The following ZBBX variants were observed in gnomAD, a reference collection of about 807,000 sequenced individuals.
ZBBX encodes zinc finger B-box domain containing, also known as zinc finger B-box domain-containing protein 1.
A neutral mutation model predicts 108.5 loss-of-function variants in ZBBX; 101 were observed. That is an observed-to-expected ratio of 0.93 (90% CI 0.79 to 1.10). The LOEUF (loss-of-function observed/expected upper bound fraction) is 1.10, where lower values mean the gene tolerates loss of function less well. Ranked by LOEUF, ZBBX falls within the 50% of genes least tolerant of loss-of-function variation. ZBBX has a pLI of 0.00. For synonymous variants in ZBBX, 356 were observed against 323.4 expected (o/e 1.10, Z -1.08); for missense variants, 1,009 against 941.4 (o/e 1.07, Z -0.94).
At position 167,242,581 on chromosome 3, in the gene ZBBX, G is replaced by C. The variant is rs1205079100; in HGVS notation, c.2317C>G (p.Leu773Val). 1 of 1,613,728 alleles carries C rather than the reference G, an allele frequency of 6.2e-7. No individual in the cohort carries two copies. Among genetic ancestry groups the C allele is most frequent in the Admixed American group, 1.7e-5 (1 of 60,002 alleles). Residue 773 changes from leucine to valine, a missense_variant, in exon 21 of 22, where the codon CTG (leucine) becomes GTG (valine). Transcript: ENST00000675490. ...EEFPDFSSQS[L>V]NISQISTDFL... Reference sequence around the variant, plus strand: ...TCTGTGGAAATCTGACTTATATTCAGTGATTGGCTGCTGAAATCTGGGAAC... The same window carrying C: ...TCTGTGGAAATCTGACTTATATTCACTGATTGGCTGCTGAAATCTGGGAAC...
chr3:167,205,471 G>C, the ZBBX span, among the ~76,000 whole-genome samples: 1 of 152,172 alleles, frequency 6.6e-6, no homozygotes, highest in African/African-American at 2.4e-5. Context: ...GTGATCTCAA[G>C]TGATATCTGG....
chr3:167,314,023 TAAG>T lies in ZBBX; in HGVS notation c.1365_1367del (p.Phe455del). The T allele has an allele frequency of 3.7e-6, 6 of 1,606,594 alleles. No homozygotes were observed. The highest frequency in any genetic ancestry group is 5.1e-6 in the Non-Finnish European group (6 of 1,176,578). On this transcript the variant is annotated inframe_deletion, in exon 16 of 22. Transcript: ENST00000675490. Reference sequence around the variant, plus strand: ...TAGAGCTGTTTCTCAGACAAAGATTTAAGAAGTCTCTCTTTCCCTTATCGAAAA... The same window carrying T: ...TAGAGCTGTTTCTCAGACAAAGATTTAAGTCTCTCTTTCCCTTATCGAAAA...
chr3:167,300,697 C>T lies in ZBBX; in HGVS notation c.1726-2239G>A, dbSNP rs546223705. Reference sequence around the variant, plus strand: ...CGACCTCAGCTCACTATAACCTCCGCCTCCCGGGTTCAATCGATTCTCCTG... The same window carrying T: ...CGACCTCAGCTCACTATAACCTCCGTCTCCCGGGTTCAATCGATTCTCCTG... On this transcript the variant is annotated intron_variant, in intron 17 of 21. Coordinates refer to ENST00000675490, the MANE Select transcript of ZBBX (RefSeq NM_001199201.2). 1.2e-3 allele frequency among the ~76,000 whole-genome samples: 180 copies of T among 151,480 alleles called. 1 individual carries two copies. Among genetic ancestry groups the T allele is most frequent in the Non-Finnish European group, 1.8e-3 (123 of 67,892 alleles).
the ZBBX span, among the ~76,000 whole-genome samples, chr3:167,181,403 T>C: frequency 6.6e-6 from 1 of 152,198 alleles, no homozygotes; most frequent in African/African-American, 2.4e-5. Flanking sequence ...AAAATATAAC[T>C]ACTTTAATAT....
At chr3:167,332,510 C>T (rs990110928) in intron 10 of ZBBX, among the ~76,000 whole-genome samples, 8 of 152,050 alleles carry the variant, frequency 5.3e-5, no homozygotes, top group African/African-American at 1.9e-4. Flanking sequence ...TAATAAATAA[C>T]ACAGAGGAGC....
chr3:167,285,944 G>C (rs1455301359), intron 19 of ZBBX, among the ~76,000 whole-genome samples: 1 of 152,044 alleles, frequency 6.6e-6, no homozygotes, highest in Non-Finnish European at 1.5e-5. Flanking sequence ...TTCCAACCAA[G>C]GGTAAGAGAA....
chr3:167,354,705 TTAATA>T (rs1743233203), intron 8 of ZBBX, among the ~76,000 whole-genome samples: 1 of 151,968 alleles, frequency 6.6e-6, no homozygotes, highest in Non-Finnish European at 1.5e-5. Context: ...TAATTTTTAT[TTAATA>T]TAACTTGCTA....
chr3:167,372,980 T>C (rs1746377044), intron 3 of ZBBX, 30 bp from the exon 4 acceptor site: 2 of 1,089,226 alleles, frequency 1.8e-6, no homozygotes, highest in Non-Finnish European at 1.3e-6. Flanking sequence ...AAAAGAATTA[T>C]GGCAGAGGTG....
intron 8 of ZBBX, among the ~76,000 whole-genome samples, chr3:167,358,200 AT>A (rs1385028435): frequency 1.3e-5 from 2 of 152,006 alleles, no homozygotes; most frequent in Non-Finnish European, 2.9e-5. Flanking sequence ...AAATAAAAAA[AT>A]AATAAAAAAA....
chr3:167,225,535 C>A, the ZBBX span, among the ~76,000 whole-genome samples: 6 of 151,904 alleles, frequency 3.9e-5, no homozygotes, highest in Admixed American at 3.9e-4. Flanking sequence ...AGTGACTAAG[C>A]CTCATTATGT....
At position 167,317,528 on chromosome 3, in the gene ZBBX, A is replaced by C. The variant is rs767938121; in HGVS notation, c.1053T>G (p.Asp351Glu). 6.2e-7 allele frequency: 1 copy of C among 1,611,356 alleles called. No individual in the cohort carries two copies. The highest frequency in any genetic ancestry group is 1.7e-5 in the Admixed American group (1 of 59,604). Residue 351 changes from aspartate (D) to glutamate (E), a missense_variant, in exon 13 of 22, where the codon GAT becomes GAG. By Grantham distance (45) the Asp-to-Glu change is conservative. Transcript: ENST00000675490. Reference protein sequence around the residue: ...TFPHPHETTGDAQCSQNENDE... With the variant: ...TFPHPHETTGEAQCSQNENDE... ...CGTTTTCATTTTGAGAACACTGTGC[A>C]TCACCAGTGGTTTCATGTGGATGTG...
intron 20 of ZBBX, among the ~76,000 whole-genome samples, chr3:167,275,368 C>A (rs574411035): frequency 6.6e-6 from 1 of 152,250 alleles, no homozygotes; most frequent in South Asian, 2.1e-4. Context: ...TCTGAGGTAC[C>A]GGGTTCATCT....
intron 20 of ZBBX, among the ~76,000 whole-genome samples, chr3:167,255,937 C>T (rs558419253): frequency 6.6e-6 from 1 of 152,202 alleles, no homozygotes; most frequent in South Asian, 2.1e-4. Flanking sequence ...ACCATTCCCA[C>T]CACTCCACCC....
intron 20 of ZBBX, among the ~76,000 whole-genome samples, chr3:167,270,439 T>C (rs912739011): frequency 6.6e-6 from 1 of 152,064 alleles, no homozygotes; most frequent in Non-Finnish European, 1.5e-5. Flanking sequence ...GTCAACCAAA[T>C]TGAGGAATTA....
intron 15 of ZBBX, among the ~76,000 whole-genome samples, chr3:167,315,295 C>T (rs1038967257): frequency 2.0e-4 from 30 of 152,220 alleles, no homozygotes; most frequent in South Asian, 1.7e-3. Context: ...CTTTATTATA[C>T]GTTAAAATCT....
chr3:167,371,148 G>T (rs561921737), intron 4 of ZBBX, among the ~76,000 whole-genome samples: 5 of 152,318 alleles, frequency 3.3e-5, no homozygotes, highest in African/African-American at 9.6e-5. Flanking sequence ...TTGTGGATCA[G>T]GGAGACGTAC....
chr3:167,267,408 G>C (rs146412361), intron 20 of ZBBX, among the ~76,000 whole-genome samples: 2 of 152,296 alleles, frequency 1.3e-5, no homozygotes, highest in African/African-American at 4.8e-5. Context: ...GAGAAATTGA[G>C]CCTAACTAGG....
At chr3:167,189,554 A>G in the ZBBX span, among the ~76,000 whole-genome samples, 1 of 152,208 alleles carries the variant, frequency 6.6e-6, no homozygotes, top group South Asian at 2.1e-4. Context: ...CACATCCCAG[A>G]GTAATAACTA....
At chr3:167,289,108 A>C in intron 18 of ZBBX, 125 bp from the exon 19 acceptor site, 1 of 372,430 alleles carries the variant, frequency 2.7e-6, no homozygotes. Flanking sequence ...ACAGTGATAT[A>C]TATTATGAAA....
Sources: gnomAD v4.1 joint callset for allele counts (sites outside exome capture counted in the v4.1 genomes callset) on GRCh38, gnomAD v4.1.1 for gene constraint, MANE v1.5 for transcripts, NCBI Gene and HGNC (gene_info 2026-07-23, HGNC 2026-07-21) for gene names.